IP6K1: variants seen among roughly 807,000 people sequenced by gnomAD.
IP6K1 encodes inositol hexakisphosphate kinase 1.
In IP6K1, 13 loss-of-function variants were observed where a neutral mutation model predicts 38.3. The observed-to-expected ratio is 0.34, with a 90% CI of 0.22 to 0.54. The LOEUF (loss-of-function observed/expected upper bound fraction) is 0.54, where lower values mean the gene tolerates loss of function less well. IP6K1 is among the 20% of genes least tolerant of loss of function. The probability of loss-of-function intolerance (pLI) is 0.92; values close to 1 mark genes in which losing one functional copy is unlikely to be tolerated. For synonymous variants in IP6K1, 212 were observed against 229.9 expected (o/e 0.92, Z 0.70); for missense variants, 397 against 599.8 (o/e 0.66, Z 3.53).
intron 1 of IP6K1, among the ~76,000 whole-genome samples, chr3:49,768,190 G>T (rs2080928114): frequency 6.6e-6 from 1 of 152,126 alleles, no homozygotes; most frequent in Non-Finnish European, 1.5e-5. Context: ...CCACTTTTAG[G>T]TCTATACCCA....
chr3:49,751,788 C>T (rs1022676886), intron 1 of IP6K1, among the ~76,000 whole-genome samples: 6 of 152,112 alleles, frequency 3.9e-5, no homozygotes, highest in East Asian at 1.9e-4. Flanking sequence ...ATGCAAAGAA[C>T]GCTATGTATG....
At chr3:49,774,271 G>A (rs966472101) in intron 1 of IP6K1, among the ~76,000 whole-genome samples, 5 of 151,576 alleles carry the variant, frequency 3.3e-5, no homozygotes, top group Non-Finnish European at 4.4e-5. Context: ...AGCCGGGTGC[G>A]GTGGCGGGTG....
intron 3 of IP6K1, among the ~76,000 whole-genome samples, chr3:49,736,211 T>G: frequency 6.6e-6 from 1 of 152,226 alleles, no homozygotes; most frequent in Non-Finnish European, 1.5e-5. Context: ...ACACCATGCC[T>G]GGCTCATAAT....
At chr3:49,770,211 A>T (rs1035821417) in intron 1 of IP6K1, among the ~76,000 whole-genome samples, 2 of 152,156 alleles carry the variant, frequency 1.3e-5, no homozygotes, top group Non-Finnish European at 2.9e-5. Flanking sequence ...AACTGAGGTA[A>T]TAACTGTTTG....
intron 1 of IP6K1, among the ~76,000 whole-genome samples, chr3:49,782,716 CAAG>C (rs1376117136): frequency 1.3e-5 from 2 of 151,716 alleles, no homozygotes; most frequent in Non-Finnish European, 2.9e-5. Context: ...GAAGCTGAGG[CAAG>C]AAGATCACTT....
chr3:49,759,076 T>TAA (rs34655436), intron 1 of IP6K1, among the ~76,000 whole-genome samples: 4 of 151,124 alleles, frequency 2.6e-5, no homozygotes, highest in African/African-American at 7.3e-5. Flanking sequence ...AATAAACAAT[T>TAA]AAAAAAAAAA....
intron 1 of IP6K1, chr3:49,748,841 T>C (rs540177322): frequency 6.6e-6 from 1 of 152,394 alleles, no homozygotes; most frequent in African/African-American, 2.4e-5. Context: ...TACATTGTAA[T>C]ATACAATAAA....
Position 49,728,383 on chromosome 3 carries a change from TGTACTTG to T in IP6K1, c.617-112_617-106del. The T allele has an allele frequency of 1.4e-5, 14 of 1,027,946 alleles. No homozygotes were observed. In the South Asian group the frequency reaches 2.2e-4, roughly 16 times the overall value. 63.7% of individuals were successfully genotyped at this position (1,027,946 alleles called of 1,614,324 possible). ...AAGGGGGCTTTTACCTAATGCAGTA[TGTACTTG>T]TCTCAAACTCTCAAATATGGGTTTC... On this transcript the variant is annotated intron_variant, in intron 4 of 5. Transcript: ENST00000321599.
At chr3:49,757,205 A>G (rs2080831113) in intron 1 of IP6K1, among the ~76,000 whole-genome samples, 1 of 152,210 alleles carries the variant, frequency 6.6e-6, no homozygotes, top group African/African-American at 2.4e-5. Flanking sequence ...TGAAAGATAG[A>G]TGCAAAAGCC....
intron 1 of IP6K1, among the ~76,000 whole-genome samples, chr3:49,749,561 G>C (rs769221025): frequency 6.6e-5 from 10 of 152,110 alleles, no homozygotes; most frequent in Non-Finnish European, 1.2e-4. Context: ...TGTTGTTGTT[G>C]TTTTTCCTGG....
intron 1 of IP6K1, among the ~76,000 whole-genome samples, chr3:49,757,661 A>C (rs2080835724): frequency 6.6e-6 from 1 of 152,144 alleles, no homozygotes; most frequent in South Asian, 2.1e-4. Context: ...CGGAGGTTGC[A>C]GTGAGCCAAG....
Position 49,759,681 on chromosome 3 carries a change from A to AAAC in IP6K1, c.-128-11516_-128-11514dup, listed in dbSNP as rs901678360. Among the ~76,000 whole-genome samples the AAAC allele has an allele frequency of 1.6e-4, 25 of 152,232 alleles. 1 individual carries two copies. In the East Asian group the frequency reaches 2.1e-3, roughly 13 times the overall value. ...ATTAGAGTCTTAGACTAGGTGGACAAAACAACAACAACAACAACAAAAAAC... is the reference window on the plus strand; with the variant it reads ...ATTAGAGTCTTAGACTAGGTGGACAAAACAACAACAACAACAACAACAAAAAAC... On this transcript the variant is annotated intron_variant, in intron 1 of 5. Transcript: ENST00000321599.
intron 1 of IP6K1, among the ~76,000 whole-genome samples, chr3:49,777,420 G>T (rs969675544): frequency 1.4e-5 from 2 of 147,000 alleles, no homozygotes; most frequent in Non-Finnish European, 3.0e-5. Context: ...AAAATTAGCC[G>T]GGCGTGGTGG....
rs1017682859 is a variant in IP6K1 at position 49,732,873 on chromosome 3, G to A, written c.534C>T (p.Ile178=). 2.5e-6 allele frequency: 4 copies of A among 1,613,988 alleles called. No homozygotes were observed. The highest frequency in any genetic ancestry group is 3.4e-6 in the Non-Finnish European group (4 of 1,180,002). The change falls in exon 4 of 6, where the codon ATC becomes ATT. Residue 178 remains isoleucine, a synonymous_variant. Transcript: ENST00000321599. ...DGNSGLSSEK[I]SHNPWSLRCH... ...AACGCAGGCTCCAGGGGTTGTGGCT[G>A]ATCTTCTCAGAACTCAAGCCACTGT...
At chr3:49,755,087 C>G (rs1452618143) in intron 1 of IP6K1, among the ~76,000 whole-genome samples, 3 of 148,806 alleles carry the variant, frequency 2.0e-5, no homozygotes, top group African/African-American at 7.4e-5. Context: ...TGTGTGCCAC[C>G]AAGCCTGGCT....
chr3:49,760,393 G>A (rs779900163), intron 1 of IP6K1, among the ~76,000 whole-genome samples: 2 of 152,084 alleles, frequency 1.3e-5, no homozygotes, highest in Non-Finnish European at 2.9e-5. Context: ...GGAGGCCGAG[G>A]TGGGCAGATC....
chr3:49,738,654 C>T (rs553225456), intron 2 of IP6K1, among the ~76,000 whole-genome samples: 1 of 152,300 alleles, frequency 6.6e-6, no homozygotes, highest in Non-Finnish European at 1.5e-5. Context: ...GTCTATATTT[C>T]CCCTTCTCTT....
At chr3:49,751,105 C>G (rs1338510968) in intron 1 of IP6K1, among the ~76,000 whole-genome samples, 2 of 152,034 alleles carry the variant, frequency 1.3e-5, no homozygotes, top group African/African-American at 4.8e-5. Flanking sequence ...TTGGGCTTGC[C>G]TCGCCTAGTG....
chr3:49,727,785 C>G lies in IP6K1; in HGVS notation c.793-130G>C, dbSNP rs1399460164. The G allele has an allele frequency of 3.2e-6, 3 of 934,190 alleles. No homozygotes were observed. The highest frequency in any genetic ancestry group is 4.7e-6 in the Non-Finnish European group (3 of 633,058). The allele number at this position is 934,190 out of a possible 1,614,324, so 57.9% of individuals were successfully genotyped here. ...TTCTGCTCACCTATCTAAGTGGAAC[C>G]AGGCAGGCCACATTCACCCTGGGTT... is the stretch of plus-strand genomic sequence containing the variant. On this transcript the variant is annotated intron_variant, in intron 5 of 5. Coordinates refer to ENST00000321599, the MANE Select transcript of IP6K1 (RefSeq NM_153273.4). This position sits in a 1 kb window ranked among gnomAD's most constrained non-coding sequence, Gnocchi z 5.9.
Sources: gnomAD v4.1 joint callset for allele counts (sites outside exome capture counted in the v4.1 genomes callset) on GRCh38, gnomAD v4.1.1 for gene constraint, Gnocchi (gnomAD v3.1) non-coding constraint, MANE v1.5 for transcripts, NCBI Gene and HGNC (gene_info 2026-07-23, HGNC 2026-07-21) for gene names.